GRIK3: variants seen among roughly 807,000 people sequenced by gnomAD.
The protein encoded by GRIK3 is glutamate receptor ionotropic, kainate 3.
A neutral mutation model predicts 102.5 loss-of-function variants in GRIK3; 29 were observed. That is an observed-to-expected ratio of 0.28 (90% CI 0.21 to 0.39). GRIK3 has a LOEUF of 0.39. Ranked by LOEUF, GRIK3 falls within the 10% of genes least tolerant of loss-of-function variation. The pLI is 1.00. For synonymous variants in GRIK3, 511 were observed against 504.9 expected (o/e 1.01, Z -0.16); for missense variants, 908 against 1,252.4 (o/e 0.73, Z 4.15).
intron 10 of GRIK3, among the ~76,000 whole-genome samples, chr1:36,838,518 C>A (rs111884105): frequency 6.2e-4 from 94 of 152,182 alleles, no homozygotes; most frequent in African/African-American, 2.0e-3. Context: ...TTGCGGCAGG[C>A]GAGTGTGTCA....
At chr1:36,969,834 C>G (rs1305135804) in intron 1 of GRIK3, among the ~76,000 whole-genome samples, 1 of 152,210 alleles carries the variant, frequency 6.6e-6, no homozygotes, top group Non-Finnish European at 1.5e-5. Context: ...ACAGAGCTTT[C>G]CATGAAACCC....
At chr1:37,002,622 A>G (rs1367849356) in intron 1 of GRIK3, among the ~76,000 whole-genome samples, 2 of 151,628 alleles carry the variant, frequency 1.3e-5, no homozygotes, top group Non-Finnish European at 2.9e-5. Context: ...GGTTTATGAA[A>G]TCTGCTAGCC....
intron 1 of GRIK3, among the ~76,000 whole-genome samples, chr1:37,031,312 T>G (rs1004169614): frequency 2.6e-5 from 4 of 152,214 alleles, no homozygotes; most frequent in African/African-American, 7.2e-5. Context: ...TTTTGTTACT[T>G]GCAAACCATC....
chr1:36,867,289 G>C (rs938799375), intron 5 of GRIK3, among the ~76,000 whole-genome samples: 1 of 152,008 alleles, frequency 6.6e-6, no homozygotes, highest in Non-Finnish European at 1.5e-5. Flanking sequence ...AGATCCAATT[G>C]TGGACTGGCT....
chr1:36,854,672 T>C (rs1256103448), intron 7 of GRIK3, among the ~76,000 whole-genome samples: 2 of 152,220 alleles, frequency 1.3e-5, no homozygotes, highest in Non-Finnish European at 2.9e-5. Context: ...AGAGACTGTG[T>C]GGCCTGTAAA....
intron 1 of GRIK3, among the ~76,000 whole-genome samples, chr1:36,908,552 C>T (rs1641310889): frequency 6.6e-6 from 1 of 152,216 alleles, no homozygotes; most frequent in South Asian, 2.1e-4. Flanking sequence ...CCCCCCTTTC[C>T]ACTGGCTCCT....
At chr1:36,886,717 A>G (rs1057072103) in intron 2 of GRIK3, among the ~76,000 whole-genome samples, 20 of 152,224 alleles carry the variant, frequency 1.3e-4, no homozygotes, top group Admixed American at 3.3e-4. Flanking sequence ...GAATTTTCAC[A>G]TATAATTTCA....
In GRIK3 at chr1:36,801,826, C is replaced by T. The variant is rs998004382; in HGVS notation, c.*25G>A. ...TGCTTTCCTCTGCCCAGCCCCCAGG[C>T]CTGAGGTCCCCACCCCAGCTGTGCC... On this transcript the variant is annotated 3_prime_UTR_variant, in exon 16 of 16. Coordinates refer to ENST00000373091, the MANE Select transcript of GRIK3 (RefSeq NM_000831.4). The T allele has an allele frequency of 1.3e-6, 2 of 1,567,620 alleles. No individual in the cohort carries two copies. The highest frequency in any genetic ancestry group is 1.4e-5 in the African/African-American group (1 of 73,980).
At chr1:36,952,414 G>A (rs931824287) in intron 1 of GRIK3, among the ~76,000 whole-genome samples, 2 of 152,194 alleles carry the variant, frequency 1.3e-5, no homozygotes, top group Admixed American at 6.5e-5. Flanking sequence ...ATGAATGAAT[G>A]AGAGTAAATA....
chr1:36,923,584 C>T (rs1225578345), intron 1 of GRIK3, among the ~76,000 whole-genome samples: 3 of 152,206 alleles, frequency 2.0e-5, no homozygotes. Flanking sequence ...TCTATCCTTG[C>T]AGACTTTATG....
chr1:36,974,683 C>T (rs111239761), intron 1 of GRIK3, among the ~76,000 whole-genome samples: 7 of 151,692 alleles, frequency 4.6e-5, no homozygotes, highest in African/African-American at 1.2e-4. Flanking sequence ...GCCTGTAGTC[C>T]GAGCCAATCG....
chr1:36,951,673 C>T (rs1426643596), intron 1 of GRIK3, among the ~76,000 whole-genome samples: 6 of 152,130 alleles, frequency 3.9e-5, no homozygotes, highest in Non-Finnish European at 7.3e-5. Context: ...TGTGCTCTCC[C>T]CCTTGGGCAG....
intron 1 of GRIK3, among the ~76,000 whole-genome samples, chr1:36,914,890 C>A (rs542878726): frequency 5.9e-5 from 9 of 152,300 alleles, no homozygotes; most frequent in Admixed American, 2.0e-4. Flanking sequence ...CTGGGCAGGG[C>A]ACAACAGGAG....
intron 15 of GRIK3, among the ~76,000 whole-genome samples, chr1:36,804,122 T>A (rs937328582): frequency 6.6e-6 from 1 of 152,230 alleles, no homozygotes; most frequent in Non-Finnish European, 1.5e-5. Context: ...TTCCCCCTCC[T>A]CTTTGTTGAC....
intron 4 of GRIK3, among the ~76,000 whole-genome samples, chr1:36,870,144 C>T (rs780490761): frequency 2.6e-5 from 4 of 152,212 alleles, no homozygotes; most frequent in Non-Finnish European, 4.4e-5. Context: ...ATGCTGATGG[C>T]GTCAGTCTGA....
Position 36,850,203 on chromosome 1 carries a change from T to G in GRIK3, c.1326+108A>C. 1.4e-6 allele frequency: 1 copy of G among 717,388 alleles called. No homozygotes were observed. Among genetic ancestry groups the G allele is most frequent in the South Asian group, 1.6e-5 (1 of 63,230 alleles). 44.4% of individuals were successfully genotyped at this position (717,388 alleles called of 1,614,324 possible). ...CTGACTCTAAAAGTCTCCACCTACC[T>G]GCAGCCTCCATCTTCTGGGTGGGGG... is the stretch of plus-strand genomic sequence containing the variant. On this transcript the variant is annotated intron_variant, in intron 9 of 15. Transcript: ENST00000373091. This position sits in a 1 kb window ranked among gnomAD's most constrained non-coding sequence, Gnocchi z 4.0.
chr1:36,891,162 G>T, intron 1 of GRIK3, 66 bp from the exon 2 acceptor site: 1 of 1,247,428 alleles, frequency 8.0e-7, no homozygotes, highest in Non-Finnish European at 1.1e-6. Context: ...AGGATGCTTG[G>T]CTCAAAAGAT....
At chr1:36,873,981 C>T (rs1640872973) in intron 3 of GRIK3, among the ~76,000 whole-genome samples, 1 of 152,204 alleles carries the variant, frequency 6.6e-6, no homozygotes, top group African/African-American at 2.4e-5. Flanking sequence ...TAATGATCTT[C>T]ACTTCAGCCT....
At chr1:36,942,007 G>C (rs757184613) in intron 1 of GRIK3, among the ~76,000 whole-genome samples, 1 of 152,182 alleles carries the variant, frequency 6.6e-6, no homozygotes, top group Non-Finnish European at 1.5e-5. Flanking sequence ...AAATTCATCT[G>C]TTTATTCAAT....
Sources: allele counts gnomAD v4.1 joint callset (sites outside exome capture counted in the v4.1 genomes callset), GRCh38; gene constraint gnomAD v4.1.1; non-coding constraint Gnocchi (gnomAD v3.1); transcripts MANE v1.5; gene names NCBI Gene and HGNC (gene_info 2026-07-23, HGNC 2026-07-21).